BRD7: variants seen among roughly 807,000 people sequenced by gnomAD.
BRD7 encodes bromodomain containing 7, also known as bromodomain-containing protein 7.
BRD7 carries 15 observed loss-of-function variants against 82.1 expected under a neutral mutation model. The ratio of observed to expected loss-of-function variants is 0.18; its 90% CI spans 0.12 to 0.28. BRD7 has a LOEUF of 0.28. BRD7 is among the 10% of genes least tolerant of loss of function. The probability of loss-of-function intolerance (pLI) is 1.00; values close to 1 mark genes in which losing one functional copy is unlikely to be tolerated. For missense variants in BRD7, 638 were observed against 779.9 expected (o/e 0.82, Z 2.17); for synonymous variants, 232 against 266.9 (o/e 0.87, Z 1.27).
rs778482752 is a variant in BRD7, at chr16:50,323,499, T to C, written c.1443+88A>G. The C allele has an allele frequency of 3.9e-5, 44 of 1,125,596 alleles. No homozygotes were observed. The African/African-American group carries it at 6.1e-4, about 16-fold the overall frequency. The allele number at this position is 1,125,596 out of a possible 1,614,324, so 69.7% of individuals were successfully genotyped here. ...GGGCCACAGAGTTCAGCTGTCATAC[T>C]TGTTAATCCCATGGTTTCATTATAC... On this transcript the variant is annotated intron_variant, in intron 12 of 16. Coordinates refer to ENST00000394688, the MANE Select transcript of BRD7 (RefSeq NM_013263.5).
intron 5 of BRD7, among the ~76,000 whole-genome samples, chr16:50,347,307 C>T (rs1257336537): frequency 6.6e-6 from 1 of 152,110 alleles, no homozygotes; most frequent in Non-Finnish European, 1.5e-5. Context: ...CAATATCATA[C>T]CGAAAGGCAA....
intron 6 of BRD7, among the ~76,000 whole-genome samples, chr16:50,337,856 GCTC>G (rs1393029560): frequency 1.3e-5 from 2 of 149,904 alleles, no homozygotes; most frequent in Non-Finnish European, 3.0e-5. Context: ...GATGGGTGGG[GCTC>G]CTCAACAGCA....
chr16:50,343,334 T>G (rs1028985311), intron 5 of BRD7, among the ~76,000 whole-genome samples: 5 of 152,152 alleles, frequency 3.3e-5, no homozygotes, highest in African/African-American at 1.2e-4. Context: ...AAGTGTGTAG[T>G]GATAGGTTCC....
Position 50,317,281 on chromosome 16 carries a change from TAA to T in BRD7, c.*1928_*1929del. On this transcript the variant is annotated 3_prime_UTR_variant, in exon 17 of 17. Coordinates refer to ENST00000394688, the MANE Select transcript of BRD7 (RefSeq NM_013263.5). ...GCTGGTAAGGGCAATTAGCCTCGCT[TAA>T]GTTGCCTTTTTTACACACCAAAACT... 6.6e-6 allele frequency: 1 copy of T among 150,786 alleles called. No homozygotes were observed. Among genetic ancestry groups the T allele is most frequent in the Middle Eastern group, 3.4e-3 (1 of 294 alleles). The allele number at this position is 150,786 out of a possible 1,614,324, so 9.3% of individuals were successfully genotyped here.
At position 50,318,317 on chromosome 16, in the gene BRD7, T is replaced by G. The variant is rs949020970; in HGVS notation, c.*894A>C. 1 of 152,236 alleles carries G rather than the reference T, an allele frequency of 6.6e-6. No homozygotes were observed. The highest frequency in any genetic ancestry group is 2.4e-5 in the African/African-American group (1 of 41,462). The allele number at this position is 152,236 out of a possible 1,614,324, so 9.4% of individuals were successfully genotyped here. A position where few individuals can be genotyped will look rare whatever the true frequency, so the allele number is the denominator to read the frequency against. On this transcript the variant is annotated 3_prime_UTR_variant, in exon 17 of 17. Transcript: ENST00000394688. The stretch of plus-strand genomic sequence containing the variant: ...TTAATTTTCAAAGTCAGGAAAATAA[T>G]AGAAATCAAATGGCTTCCTGCCTGG...
chr16:50,330,569 A>C (rs1776682483), intron 8 of BRD7, among the ~76,000 whole-genome samples: 2 of 152,160 alleles, frequency 1.3e-5, no homozygotes, highest in Admixed American at 1.3e-4. Flanking sequence ...AGAAAGTGAA[A>C]ACTGGCAAAT....
intron 11 of BRD7, among the ~76,000 whole-genome samples, chr16:50,324,645 C>T (rs906873167): frequency 6.6e-6 from 1 of 152,216 alleles, no homozygotes; most frequent in Non-Finnish European, 1.5e-5. Flanking sequence ...TGCTTCCTCA[C>T]CTCCTTCAGT....
At chr16:50,359,850 A>T (rs1454928324) in intron 2 of BRD7, among the ~76,000 whole-genome samples, 2 of 152,140 alleles carry the variant, frequency 1.3e-5, no homozygotes, top group Non-Finnish European at 2.9e-5. Context: ...GAAAGAATCT[A>T]GCTAGGTTGG....
At chr16:50,356,307 T>C (rs2038729294) in intron 2 of BRD7, among the ~76,000 whole-genome samples, 1 of 152,208 alleles carries the variant, frequency 6.6e-6, no homozygotes, top group African/African-American at 2.4e-5. Flanking sequence ...ACCAGAGAAA[T>C]TTCCTGTCGT....
intron 2 of BRD7, among the ~76,000 whole-genome samples, chr16:50,365,122 T>A (rs1597105051): frequency 6.6e-6 from 1 of 152,056 alleles, no homozygotes; most frequent in Non-Finnish European, 1.5e-5. Context: ...AGCTCAGAAC[T>A]GGAGGAGGCA....
In BRD7 at chr16:50,316,548, G is replaced by A. The variant is rs912963899; in HGVS notation, c.*2663C>T. 6 of 152,272 alleles carry A rather than the reference G, an allele frequency of 3.9e-5. No individual in the cohort carries two copies. The highest frequency in any genetic ancestry group is 6.5e-5 in the Admixed American group (1 of 15,274). The allele number at this position is 152,272 out of a possible 1,614,324, so 9.4% of individuals were successfully genotyped here. ...CCTTTAGTCTTCACAGCTAACTCTG[G>A]AGAGCTTCAAAACTAGAAGGATCTA... On this transcript the variant is annotated 3_prime_UTR_variant, in exon 17 of 17. Transcript: ENST00000394688.
chr16:50,326,047 C>G (rs1437044656), intron 10 of BRD7, among the ~76,000 whole-genome samples, 164 bp from the exon 11 acceptor site: 2 of 152,124 alleles, frequency 1.3e-5, no homozygotes, highest in African/African-American at 4.8e-5. Context: ...AGTTACAACT[C>G]AAGTGAATTC....
intron 9 of BRD7, among the ~76,000 whole-genome samples, chr16:50,327,887 C>T (rs968269329): frequency 1.3e-5 from 2 of 152,234 alleles, no homozygotes; most frequent in African/African-American, 2.4e-5. Context: ...CAGCTAGCTC[C>T]TAAGACAGCA....
chr16:50,357,436 G>A (rs1389394229), intron 2 of BRD7, among the ~76,000 whole-genome samples: 1 of 152,180 alleles, frequency 6.6e-6, no homozygotes, highest in Non-Finnish European at 1.5e-5. Flanking sequence ...ATATTCTGTT[G>A]CAGTAATTCT....
chr16:50,335,392 A>T (rs1254784449), intron 6 of BRD7, among the ~76,000 whole-genome samples: 1 of 152,216 alleles, frequency 6.6e-6, no homozygotes, highest in Non-Finnish European at 1.5e-5. Flanking sequence ...AGCCTTGAGG[A>T]GAAGACAGTT....
chr16:50,352,701 GT>G (rs34714781), intron 4 of BRD7, among the ~76,000 whole-genome samples: 27,906 of 127,368 alleles, frequency 0.22, 1,898 homozygotes, highest in African/African-American at 0.31. Flanking sequence ...TGCCAGCTTT[GT>G]TTTTTTTTTT....
At chr16:50,344,980 T>C (rs549479026) in intron 5 of BRD7, among the ~76,000 whole-genome samples, 8 of 151,944 alleles carry the variant, frequency 5.3e-5, no homozygotes, top group Admixed American at 1.3e-4. Context: ...TTCACCAAAG[T>C]TGAAATGAAG....
intron 2 of BRD7, among the ~76,000 whole-genome samples, chr16:50,360,082 T>C (rs1486397437): frequency 6.6e-6 from 1 of 152,232 alleles, no homozygotes; most frequent in East Asian, 1.9e-4. Flanking sequence ...ATTATTAGGA[T>C]TTAACACTCA....
intron 8 of BRD7, among the ~76,000 whole-genome samples, chr16:50,330,337 C>CTT (rs11360309): frequency 1.8e-3 from 99 of 53,918 alleles, no homozygotes; most frequent in African/African-American, 4.6e-3. Flanking sequence ...AAAGAGGACA[C>CTT]TTTTTTTTTT....
Sources: allele counts gnomAD v4.1 joint callset (sites outside exome capture counted in the v4.1 genomes callset), GRCh38; gene constraint gnomAD v4.1.1; transcripts MANE v1.5; gene names NCBI Gene and HGNC (gene_info 2026-07-23, HGNC 2026-07-21).